The following MIB2 variants were observed in gnomAD, a reference collection of about 807,000 sequenced individuals.
MIB2 encodes E3 ubiquitin-protein ligase MIB2.
Under a neutral mutation model 96.6 loss-of-function variants are expected in MIB2, and 78 were observed. That is an observed-to-expected ratio of 0.81 (90% CI 0.67 to 0.97). MIB2 has a LOEUF of 0.97. Ranked by LOEUF, MIB2 falls within the 50% of genes least tolerant of loss-of-function variation. The probability of loss-of-function intolerance (pLI) is 0.00; values close to 1 mark genes in which losing one functional copy is unlikely to be tolerated. For synonymous variants in MIB2, 820 were observed against 629.5 expected (o/e 1.30, Z -4.53); for missense variants, 1,543 against 1,424.0 (o/e 1.08, Z -1.35).
rs374167559 is a variant in MIB2 at position 1,628,372 on chromosome 1, C to T, written c.1941C>T (p.Arg647=). The T allele has an allele frequency of 6.8e-6, 11 of 1,612,476 alleles. No individual in the cohort carries two copies. The highest frequency in any genetic ancestry group is 1.6e-4 in the Middle Eastern group (1 of 6,084). ...ATCTGGCTGCCCTCAACAACCACCGCGAGGTGGCCCAGATCCTCATCCGGG... is the reference window on the plus strand; with the variant it reads ...ATCTGGCTGCCCTCAACAACCACCGTGAGGTGGCCCAGATCCTCATCCGGG... The part of the protein sequence containing the change: ...ALHLAALNNH[R]EVAQILIREG... The change falls in exon 15 of 20, where the codon CGC becomes CGT. Residue 647 remains arginine (R), a synonymous_variant. Coordinates refer to ENST00000355826, the MANE Select transcript of MIB2 (RefSeq NM_001170687.4).
Position 1,625,484 on chromosome 1 carries a change from C to T in MIB2, c.864+56C>T. On this transcript the variant is annotated intron_variant, in intron 7 of 19. Coordinates refer to ENST00000355826, the MANE Select transcript of MIB2 (RefSeq NM_001170687.4). This position sits in a 1 kb window ranked among gnomAD's most constrained non-coding sequence, Gnocchi z 5.0. ...CCCTGCCCTCCCAGCCCTCCGCCCC[C>T]TCAGCCCCTTCCTCCCCAAGCGTCC... The T allele has an allele frequency of 8.4e-6, 13 of 1,553,288 alleles. No homozygotes were observed. The highest frequency in any genetic ancestry group is 2.4e-5 in the East Asian group (1 of 41,412).
In MIB2 at chr1:1,628,179, T is replaced by TGTGA; in HGVS notation, c.1841+4_1841+7dup. The TGTGA allele has an allele frequency of 6.2e-7, 1 of 1,613,138 alleles. No individual in the cohort carries two copies. Among genetic ancestry groups the TGTGA allele is most frequent in the Middle Eastern group, 1.7e-4 (1 of 6,058 alleles). On this transcript the variant is annotated stop_gained and frameshift_variant and splice_region_variant. Coordinates refer to ENST00000355826, the MANE Select transcript of MIB2 (RefSeq NM_001170687.4). LOFTEE classifies it high-confidence loss of function. ...CATGCCTCCCTCAAGGGTCACGCGC[T>TGTGA]GTGAGTGTGGGGTGGGCACACAGCT...
At chr1:1,623,302 T>C (rs1265271389) in intron 2 of MIB2, 129 bp from the exon 3 acceptor site, 16 of 1,424,298 alleles carry the variant, frequency 1.1e-5, no homozygotes, top group Non-Finnish European at 8.4e-6. Context: ...CCAGCCTGCC[T>C]GCCCCGTTGG....
chr1:1,615,961 G>A, intron 1 of MIB2: 2 of 986,542 alleles, frequency 2.0e-6, no homozygotes, highest in Non-Finnish European at 2.4e-6. Context: ...GCTCTGGCCT[G>A]GCCTGGCCGC....
At position 1,626,397 on chromosome 1, in the gene MIB2, C is replaced by T; in HGVS notation, c.973-253C>T. 1 of 518,462 alleles carries T rather than the reference C, an allele frequency of 1.9e-6. No individual in the cohort carries two copies. The highest frequency in any genetic ancestry group is 3.4e-6 in the Non-Finnish European group (1 of 295,462). 32.1% of individuals were successfully genotyped at this position (518,462 alleles called of 1,614,324 possible). ...CAGGGCCAGCCACCTCGGCTTCACACCTGCCCAGAGCTGGCTTCTGTCTGC... is the reference window on the plus strand; with the variant it reads ...CAGGGCCAGCCACCTCGGCTTCACATCTGCCCAGAGCTGGCTTCTGTCTGC... On this transcript the variant is annotated intron_variant, in intron 8 of 19. Transcript: ENST00000355826. The surrounding 1 kb of genome is among the most constrained non-coding windows in gnomAD (Gnocchi z 5.3).
chr1:1,622,559 G>A (rs1223614247), intron 2 of MIB2, among the ~76,000 whole-genome samples: 1 of 152,216 alleles, frequency 6.6e-6, no homozygotes, highest in Non-Finnish European at 1.5e-5. Flanking sequence ...CTGGCATGGC[G>A]TTTGCACTTG....
Position 1,628,476 on chromosome 1 carries a change from C to T in MIB2, c.1969-13C>T. On this transcript the variant is annotated splice_polypyrimidine_tract_variant and intron_variant, in intron 15 of 19. Coordinates refer to ENST00000355826, the MANE Select transcript of MIB2 (RefSeq NM_001170687.4). ...GGGGTCCCTGGGCTGAGCCCGTCCC[C>T]ACCCCTCCCCAGGGCCGCTGTGACG... 6.3e-7 allele frequency: 1 copy of T among 1,595,548 alleles called. No homozygotes were observed. Among genetic ancestry groups the T allele is most frequent in the Non-Finnish European group, 8.5e-7 (1 of 1,174,598 alleles).
In MIB2 at chr1:1,625,056, G is replaced by A; in HGVS notation, c.592G>A (p.Val198Met). Residue 198 changes from valine to methionine, a missense_variant, in exon 6 of 20, where the codon GTG becomes ATG. Val to Met is a conservative substitution (Grantham distance 21). Transcript: ENST00000355826. This position sits in a 1 kb window ranked among gnomAD's most constrained non-coding sequence, Gnocchi z 5.0. ...CTGGGATGTGGAGACAGGCCGGAGT[G>A]TGGCCAGCGTGACGTGGGCTGATGG... ...RGWDVETGRS[V>M]ASVTWADGTT... 6.2e-7 allele frequency: 1 copy of A among 1,613,282 alleles called. No individual in the cohort carries two copies. The highest frequency in any genetic ancestry group is 8.5e-7 in the Non-Finnish European group (1 of 1,179,998).
chr1:1,629,649 C>T lies in MIB2; in HGVS notation c.2574C>T (p.Arg858=). The stretch of plus-strand genomic sequence containing the variant: ...CTCTCCTCTTCGCAGAGTGCGCGCG[C>T]AGGATGAAGAAGTGCATCAGGTGCC... ...QHRTVCEECA[R]RMKKCIRCQV... The change falls in exon 19 of 20, where the codon CGC becomes CGT. Residue 858 remains arginine, a synonymous_variant. Transcript: ENST00000355826. 6.3e-7 allele frequency: 1 copy of T among 1,596,958 alleles called. No individual in the cohort carries two copies. The highest frequency in any genetic ancestry group is 1.1e-5 in the South Asian group (1 of 89,034).
In MIB2 at chr1:1,629,148, C is replaced by T. The variant is rs953885691; in HGVS notation, c.2218C>T (p.Leu740Phe). The T allele has an allele frequency of 2.0e-6, 3 of 1,496,374 alleles. No homozygotes were observed. Among genetic ancestry groups the T allele is most frequent in the African/African-American group, 1.5e-5 (1 of 68,506 alleles). 92.7% of individuals were successfully genotyped at this position (1,496,374 alleles called of 1,614,324 possible). A position where few individuals can be genotyped will look rare whatever the true frequency, so the allele number is the denominator to read the frequency against. Residue 740 changes from leucine (L) to phenylalanine (F), a missense_variant, in exon 17 of 20, where the codon CTC becomes TTC. Leu to Phe is a conservative substitution (Grantham distance 22). Transcript: ENST00000355826. ...TGCCGCCCAGCTACAGGCCTCGGGC[C>T]TCCCCGGCAGCGCGGAGCTGACGGT... is the stretch of plus-strand genomic sequence containing the variant. ...QLLSRLQASG[L>F]PGSAELTVGA...
In MIB2 at chr1:1,628,100, G is replaced by A; in HGVS notation, c.1762G>A (p.Val588Met). 1.2e-6 allele frequency: 2 copies of A among 1,613,344 alleles called. No homozygotes were observed. The highest frequency in any genetic ancestry group is 1.7e-6 in the Non-Finnish European group (2 of 1,179,998). Reference protein sequence around the residue: ...ASGIVEVLTEVPNIDVTATNS... With the variant: ...ASGIVEVLTEMPNIDVTATNS... ...CGGCATTGTCGAGGTCCTCACGGAG[G>A]TGCCAAACATCGATGTTACCGCCAC... is the stretch of plus-strand genomic sequence containing the variant. Residue 588 changes from valine (V) to methionine (M), a missense_variant, in exon 14 of 20, where the codon GTG becomes ATG. By Grantham distance (21) the Val-to-Met change is conservative. Coordinates refer to ENST00000355826, the MANE Select transcript of MIB2 (RefSeq NM_001170687.4).
chr1:1,628,519 A>C lies in MIB2; in HGVS notation c.1999A>C (p.Lys667Gln), dbSNP rs1645035560. 1 of 1,600,986 alleles carries C rather than the reference A, an allele frequency of 6.2e-7. No individual in the cohort carries two copies. Among genetic ancestry groups the C allele is most frequent in the Admixed American group, 1.7e-5 (1 of 59,684 alleles). Residue 667 changes from lysine to glutamine, a missense_variant, in exon 16 of 20, where the codon AAG becomes CAG. Transcript: ENST00000355826. ...CTGTGACGTGAACGTGCGCAACCGG[A>C]AGCTGCAGTCCCCGCTGCATCTCGC... ...GRCDVNVRNR[K>Q]LQSPLHLAVQ...
rs771988257 is a variant in MIB2 at position 1,626,636 on chromosome 1, T to C, written c.973-14T>C. ...ACAGCTGGGGGGCCCCTCACGCCCC[T>C]CTTTGTCGCTCAGCACCACTCCTTC... On this transcript the variant is annotated splice_polypyrimidine_tract_variant and intron_variant, in intron 8 of 19. Transcript: ENST00000355826. This position sits in a 1 kb window ranked among gnomAD's most constrained non-coding sequence, Gnocchi z 5.3. The C allele has an allele frequency of 3.9e-6, 6 of 1,540,560 alleles. No individual in the cohort carries two copies. Among genetic ancestry groups the C allele is most frequent in the Non-Finnish European group, 5.2e-6 (6 of 1,145,262 alleles).
At position 1,625,179 on chromosome 1, in the gene MIB2, A is replaced by G; in HGVS notation, c.715A>G (p.Arg239Gly). Residue 239 changes from arginine to glycine, a missense_variant, in exon 6 of 20, where the codon AGG becomes GGG. Physicochemically the swap from Arg to Gly is moderately radical, Grantham distance 125. Coordinates refer to ENST00000355826, the MANE Select transcript of MIB2 (RefSeq NM_001170687.4). This position sits in a 1 kb window ranked among gnomAD's most constrained non-coding sequence, Gnocchi z 5.0. ...CTTCTACTACAAGGACCACCTCCCA[A>G]GGCTCGGTATGAGGCTGTCACACTG... The part of the protein sequence containing the change: ...GGFYYKDHLP[R>G]LGKPAELQRR... 6.2e-7 allele frequency: 1 copy of G among 1,610,312 alleles called. No homozygotes were observed. Among genetic ancestry groups the G allele is most frequent in the Non-Finnish European group, 8.5e-7 (1 of 1,178,460 alleles).
chr1:1,616,359 G>A, intron 1 of MIB2, 149 bp from the exon 2 acceptor site: 1 of 606,372 alleles, frequency 1.6e-6, no homozygotes, highest in Non-Finnish European at 2.7e-6. Flanking sequence ...AGACCCCAGG[G>A]AGCCCATCCG....
intron 2 of MIB2, 154 bp from the exon 3 acceptor site, chr1:1,623,277 G>GC: frequency 1.5e-6 from 2 of 1,313,206 alleles, no homozygotes; most frequent in Non-Finnish European, 2.0e-6. Flanking sequence ...GCCTCCTTGG[G>GC]CCCTAGGGCT....
At position 1,630,551 on chromosome 1, in the gene MIB2, C is replaced by T. The variant is rs775421639; in HGVS notation, c.*21C>T. On this transcript the variant is annotated 3_prime_UTR_variant, in exon 20 of 20. Coordinates refer to ENST00000355826, the MANE Select transcript of MIB2 (RefSeq NM_001170687.4). ...TGTGAGCCGCGCCGTCCGCCGCGCC[C>T]GAGCTGCCTTCGCGTGCCCCCGCCC... The T allele has an allele frequency of 3.9e-6, 6 of 1,526,576 alleles. No individual in the cohort carries two copies. The highest frequency in any genetic ancestry group is 1.2e-5 in the South Asian group (1 of 82,188). The allele number at this position is 1,526,576 out of a possible 1,614,324, so 94.6% of individuals were successfully genotyped here. A position where few individuals can be genotyped will look rare whatever the true frequency, so the allele number is the denominator to read the frequency against.
chr1:1,620,872 G>A (rs955276958), intron 2 of MIB2, among the ~76,000 whole-genome samples: 3 of 152,266 alleles, frequency 2.0e-5, no homozygotes, highest in African/African-American at 7.2e-5. Flanking sequence ...CCCCAGTGGG[G>A]ATGGGAGGGT....
Position 1,615,573 on chromosome 1 carries a change from A to C in MIB2, c.-190A>C, listed in dbSNP as rs1643526749. 6.5e-7 allele frequency: 1 copy of C among 1,542,406 alleles called. No individual in the cohort carries two copies. The highest frequency in any genetic ancestry group is 1.2e-5 in the South Asian group (1 of 83,776). ...TGGCCCAGGAGGGCCTGGGAGCCCG[A>C]AGCCGTCCCCGAGTCGCTCCTAGGT... On this transcript the variant is annotated 5_prime_UTR_variant, in exon 1 of 20. Coordinates refer to ENST00000355826, the MANE Select transcript of MIB2 (RefSeq NM_001170687.4).
Sources: gnomAD v4.1 joint callset for allele counts (sites outside exome capture counted in the v4.1 genomes callset) on GRCh38, gnomAD v4.1.1 for gene constraint, Gnocchi (gnomAD v3.1) non-coding constraint, MANE v1.5 for transcripts, NCBI Gene and HGNC (gene_info 2026-07-23, HGNC 2026-07-21) for gene names.